The following CHN1 variants were observed in gnomAD, a reference collection of about 807,000 sequenced individuals.
CHN1 encodes N-chimaerin.
A neutral mutation model predicts 59.5 loss-of-function variants in CHN1; 37 were observed. That is an observed-to-expected ratio of 0.62 (90% CI 0.48 to 0.82). The LOEUF (loss-of-function observed/expected upper bound fraction) is 0.82, where lower values mean the gene tolerates loss of function less well. CHN1 is among the 40% of genes least tolerant of loss of function. CHN1 has a pLI of 0.00. For synonymous variants in CHN1, 206 were observed against 200.4 expected, an observed-to-expected ratio of 1.03 and a Z score of -0.24; for missense variants, 469 against 571.0, an observed-to-expected ratio of 0.82 and a Z score of 1.82.
chr2:174,893,465 G>A (rs888977704), intron 5 of CHN1, among the ~76,000 whole-genome samples: 1 of 152,090 alleles, frequency 6.6e-6, no homozygotes, highest in African/African-American at 2.4e-5. Flanking sequence ...AGAAATTGAA[G>A]AAGACACAAA....
intron 6 of CHN1, among the ~76,000 whole-genome samples, chr2:174,853,830 T>C (rs1361046636): frequency 6.6e-6 from 1 of 152,066 alleles, no homozygotes; most frequent in African/African-American, 2.4e-5. Context: ...CCTAAACAGA[T>C]GAATGCAGGA....
At chr2:174,905,509 G>T (rs115654832) in intron 5 of CHN1, among the ~76,000 whole-genome samples, 5 of 152,082 alleles carry the variant, frequency 3.3e-5, no homozygotes, top group African/African-American at 1.2e-4. Flanking sequence ...AGAGAGAATT[G>T]AAGTTTGAAT....
intron 5 of CHN1, among the ~76,000 whole-genome samples, chr2:174,904,262 A>G (rs1688475589): frequency 6.6e-6 from 1 of 152,098 alleles, no homozygotes; most frequent in South Asian, 2.1e-4. Context: ...CTCCGTCTCA[A>G]AAAATAAATA....
At chr2:174,810,562 A>C (rs1480485707) in intron 10 of CHN1, among the ~76,000 whole-genome samples, 1 of 152,188 alleles carries the variant, frequency 6.6e-6, no homozygotes, top group Admixed American at 6.5e-5. Flanking sequence ...TTCCAGAGTA[A>C]AGAGATGCTT....
At chr2:174,920,624 C>T (rs934468704) in intron 3 of CHN1, among the ~76,000 whole-genome samples, 8 of 152,154 alleles carry the variant, frequency 5.3e-5, no homozygotes, top group African/African-American at 1.7e-4. Context: ...AAGTCTGATA[C>T]TGTTTTCAGC....
intron 6 of CHN1, among the ~76,000 whole-genome samples, chr2:174,854,848 C>T (rs1345326353): frequency 2.0e-5 from 3 of 152,126 alleles, no homozygotes; most frequent in Admixed American, 2.0e-4. Context: ...TAAAGACCTA[C>T]GGCCATTGTT....
intron 1 of CHN1, among the ~76,000 whole-genome samples, chr2:174,959,427 A>C (rs575907308): frequency 6.6e-6 from 1 of 152,212 alleles, no homozygotes; most frequent in Non-Finnish European, 1.5e-5. Flanking sequence ...GGAGGAGGGG[A>C]CACTGGGAGG....
intron 3 of CHN1, among the ~76,000 whole-genome samples, chr2:174,939,631 G>GT (rs2105398098): frequency 6.6e-6 from 1 of 152,218 alleles, no homozygotes; most frequent in African/African-American, 2.4e-5. Context: ...CTCACTTTCA[G>GT]TTTCTCACAT....
chr2:175,001,407 T>C (rs1004532720), intron 1 of CHN1, among the ~76,000 whole-genome samples: 3 of 152,364 alleles, frequency 2.0e-5, no homozygotes, highest in Admixed American at 2.0e-4. Context: ...ACAAAGAATA[T>C]GCCATTGCTA....
chr2:174,825,507 A>G (rs1685654626), intron 7 of CHN1, among the ~76,000 whole-genome samples: 1 of 152,232 alleles, frequency 6.6e-6, no homozygotes, highest in African/African-American at 2.4e-5. Flanking sequence ...CCAAAGAAGA[A>G]AGGATTCAAA....
Position 174,942,768 on chromosome 2 carries a change from GGC to G in CHN1, c.114+2118_114+2119del, listed in dbSNP as rs566355259. On this transcript the variant is annotated intron_variant, in intron 3 of 12. Coordinates refer to ENST00000409900, the MANE Select transcript of CHN1 (RefSeq NM_001822.7). ...ATATTTTTTAAAAAGCAACTTAAAAGGCCAGGTGCCCTGGCTCACAACTGTAA... is the reference window on the plus strand; with the variant it reads ...ATATTTTTTAAAAAGCAACTTAAAAGCAGGTGCCCTGGCTCACAACTGTAA... Among the ~76,000 whole-genome samples the G allele has an allele frequency of 2.2e-3, 340 of 152,140 alleles. 2 individuals carry two copies. The highest frequency in any genetic ancestry group is 8.0e-3 in the African/African-American group (330 of 41,496).
intron 3 of CHN1, among the ~76,000 whole-genome samples, chr2:174,934,016 C>T (rs1689427495): frequency 6.6e-6 from 1 of 152,052 alleles, no homozygotes; most frequent in South Asian, 2.1e-4. Context: ...AACAGTGGTC[C>T]CCAACCTTTT....
At chr2:174,946,924 A>T (rs2105406918) in intron 2 of CHN1, among the ~76,000 whole-genome samples, 1 of 151,218 alleles carries the variant, frequency 6.6e-6, no homozygotes, top group African/African-American at 2.4e-5. Context: ...AAAAAAAAAA[A>T]AATTCTTCAA....
chr2:174,821,953 G>T (rs1574055534), intron 8 of CHN1, among the ~76,000 whole-genome samples: 1 of 152,188 alleles, frequency 6.6e-6, no homozygotes, highest in African/African-American at 2.4e-5. Context: ...ACATCTCTGG[G>T]GAGCTATTTT....
rs59636949 is a variant in CHN1, at chr2:174,966,329, T to C, written c.20-14127A>G. 4.8e-3 allele frequency among the ~76,000 whole-genome samples: 725 copies of C among 151,186 alleles called. 5 individuals are homozygous for C. The highest frequency in any genetic ancestry group is 0.017 in the African/African-American group (687 of 41,216). On this transcript the variant is annotated intron_variant, in intron 1 of 12. Transcript: ENST00000409900. The stretch of plus-strand genomic sequence containing the variant: ...AATAGTGACCCAGAACCGTTAATAC[T>C]CAGGAAGAAAAAAAAAAACAAACAC...
At chr2:174,907,663 A>G (rs74984045) in intron 5 of CHN1, among the ~76,000 whole-genome samples, 24,836 of 150,226 alleles carry the variant, frequency 0.17, 2,733 homozygotes, top group Non-Finnish European at 0.26. Context: ...CACTGTAAAA[A>G]AAAAATCAGG....
At chr2:174,891,008 G>A (rs954978630) in intron 5 of CHN1, among the ~76,000 whole-genome samples, 3 of 150,992 alleles carry the variant, frequency 2.0e-5, no homozygotes, top group Non-Finnish European at 4.4e-5. Flanking sequence ...GGGTGTGGTA[G>A]TGGGCGCCTG....
At chr2:174,857,972 G>C (rs1241882439) in intron 6 of CHN1, among the ~76,000 whole-genome samples, 1 of 152,088 alleles carries the variant, frequency 6.6e-6, no homozygotes, top group Non-Finnish European at 1.5e-5. Context: ...GGCAGACTCA[G>C]ATTGATATTA....
intron 7 of CHN1, among the ~76,000 whole-genome samples, chr2:174,839,259 T>C (rs1686204559): frequency 6.6e-6 from 1 of 152,162 alleles, no homozygotes; most frequent in African/African-American, 2.4e-5. Context: ...AAGAGGTGAC[T>C]TTTAAAAATT....
Sources: allele counts gnomAD v4.1 joint callset (sites outside exome capture counted in the v4.1 genomes callset), GRCh38; gene constraint gnomAD v4.1.1; transcripts MANE v1.5; gene names NCBI Gene and HGNC (gene_info 2026-07-23, HGNC 2026-07-21).